The following CCDC17 variants were observed in gnomAD, a reference collection of about 807,000 sequenced individuals.
CCDC17 encodes coiled-coil domain-containing protein 17.
CCDC17 carries 79 observed loss-of-function variants against 68.0 expected under a neutral mutation model. The observed-to-expected ratio is 1.16, with a 90% CI of 0.97 to 1.40. The LOEUF (loss-of-function observed/expected upper bound fraction) is 1.40. CCDC17 is among the 40% of genes most tolerant of loss of function. The pLI is 0.00. For missense variants in CCDC17, 846 were observed against 811.5 expected, an observed-to-expected ratio of 1.04 and a Z score of -0.52; for synonymous variants, 376 against 337.5, an observed-to-expected ratio of 1.11 and a Z score of -1.25.
chr1:45,623,766 T>A lies in CCDC17; in HGVS notation c.144A>T (p.Ala48=), dbSNP rs1281677052. ...PTQEMTFGAQ[A]SVATEPQRAA... ...CCCGCTGGGGTTCAGTGGCAACTGATGCCTGTGCTCCAAATGTCATCTCTT... is the reference window on the plus strand; with the variant it reads ...CCCGCTGGGGTTCAGTGGCAACTGAAGCCTGTGCTCCAAATGTCATCTCTT... Residue 48 remains alanine, a synonymous_variant, in exon 1 of 13, where the codon GCA becomes GCT. Transcript: ENST00000528266. 1 of 1,551,338 alleles carries A rather than the reference T, an allele frequency of 6.4e-7. No homozygotes were observed. Among genetic ancestry groups the A allele is most frequent in the Non-Finnish European group, 8.7e-7 (1 of 1,146,788 alleles).
chr1:45,622,400 G>A (rs1446370507), intron 6 of CCDC17, 52 bp from the exon 7 acceptor site: 4 of 1,537,824 alleles, frequency 2.6e-6, no homozygotes, highest in African/African-American at 1.4e-5. Flanking sequence ...GACTGGCCGC[G>A]TCCGGCTGTG....
chr1:45,622,951 T>C lies in CCDC17; in HGVS notation c.656+4A>G. 6.3e-7 allele frequency: 1 copy of C among 1,596,122 alleles called. No individual in the cohort carries two copies. The highest frequency in any genetic ancestry group is 8.5e-7 in the Non-Finnish European group (1 of 1,170,230). On this transcript the variant is annotated splice_donor_region_variant and intron_variant, in intron 4 of 12. Transcript: ENST00000528266. ...TTCCGGGGATCCGCTTAGTCGGGTC[T>C]CACCCTGGCTCCGCCTGCAGCTCCT...
In CCDC17 at chr1:45,622,488, CCCT is replaced by C. The variant is rs949338756; in HGVS notation, c.859+58_859+60del. 12 of 1,508,104 alleles carry C rather than the reference CCCT, an allele frequency of 8.0e-6. No individual in the cohort carries two copies. The African/African-American group carries it at 1.5e-4, about 19-fold the overall frequency. The allele number at this position is 1,508,104 out of a possible 1,614,324, so 93.4% of individuals were successfully genotyped here. A position where few individuals can be genotyped will look rare whatever the true frequency, so the allele number is the denominator to read the frequency against. ...CATGCCATCCACAGCCACAGGCCCT[CCCT>C]CGAGTTCTTTTCTCCTCCCAGGACT... On this transcript the variant is annotated intron_variant, in intron 6 of 12. Transcript: ENST00000528266.
In CCDC17 at chr1:45,620,086, CAG is replaced by C. The variant is rs1644193111; in HGVS notation, c.*187_*188del. 9.2e-6 allele frequency: 5 copies of C among 542,512 alleles called. No individual in the cohort carries two copies. In the South Asian group the frequency reaches 1.1e-4, roughly 12 times the overall value. The allele number at this position is 542,512 out of a possible 1,614,324, so 33.6% of individuals were successfully genotyped here. A position where few individuals can be genotyped will look rare whatever the true frequency, so the allele number is the denominator to read the frequency against. On this transcript the variant is annotated 3_prime_UTR_variant, in exon 13 of 13. Transcript: ENST00000528266. The stretch of plus-strand genomic sequence containing the variant: ...TAATCCTTAATCTGTTTTACAAAAA[CAG>C]AAGAGGTACAGAAAAGTTAAGGACT...
rs969050375 is a variant in CCDC17, at chr1:45,623,793, G to T, written c.117C>A (p.Thr39=). The part of the protein sequence containing the change: ...HTQRFCIGHP[T]QEMTFGAQAS... ...CCTGTGCTCCAAATGTCATCTCTTGGGTCGGGTGGCCAATGCAGAAGCGCT... is the reference window on the plus strand; with the variant it reads ...CCTGTGCTCCAAATGTCATCTCTTGTGTCGGGTGGCCAATGCAGAAGCGCT... The change falls in exon 1 of 13, where the codon ACC becomes ACA. Residue 39 remains threonine (T), a synonymous_variant. Transcript: ENST00000528266. 6 of 1,551,484 alleles carry T rather than the reference G, an allele frequency of 3.9e-6. No homozygotes were observed. Among genetic ancestry groups the T allele is most frequent in the Non-Finnish European group, 5.2e-6 (6 of 1,146,946 alleles).
In CCDC17 at chr1:45,623,022, C is replaced by T. The variant is rs746161418; in HGVS notation, c.589G>A (p.Ala197Thr). 6.2e-7 allele frequency: 1 copy of T among 1,612,940 alleles called. No individual in the cohort carries two copies. Among genetic ancestry groups the T allele is most frequent in the South Asian group, 1.1e-5 (1 of 90,878 alleles). Residue 197 changes from alanine to threonine, a missense_variant, in exon 4 of 13, where the codon GCC becomes ACC. Coordinates refer to ENST00000528266, the MANE Select transcript of CCDC17 (RefSeq NM_001114938.3). ...EQEIRELQAE[A>T]GRTRGALEVL... Reference sequence around the variant, plus strand: ...TCTAGAGCTCCCCGCGTCCTCCCGGCCTCAGCTTGTAGTTCTCGAATCTCC... The same window carrying T: ...TCTAGAGCTCCCCGCGTCCTCCCGGTCTCAGCTTGTAGTTCTCGAATCTCC...
rs757094761 is a variant in CCDC17, at chr1:45,622,947, G to C, written c.656+8C>G. The stretch of plus-strand genomic sequence containing the variant: ...CATGTTCCGGGGATCCGCTTAGTCG[G>C]GTCTCACCCTGGCTCCGCCTGCAGC... On this transcript the variant is annotated splice_region_variant and intron_variant, in intron 4 of 12. Transcript: ENST00000528266. 59 of 1,596,082 alleles carry C rather than the reference G, an allele frequency of 3.7e-5. No individual in the cohort carries two copies. The highest frequency in any genetic ancestry group is 4.6e-5 in the Non-Finnish European group (54 of 1,170,470).
At position 45,620,364 on chromosome 1, in the gene CCDC17, G is replaced by A. The variant is rs747673013; in HGVS notation, c.1780C>T (p.Arg594Cys). 3 of 1,606,300 alleles carry A rather than the reference G, an allele frequency of 1.9e-6. No homozygotes were observed. The highest frequency in any genetic ancestry group is 2.2e-5 in the East Asian group (1 of 44,770). ...ACTCCACTGAGGGGCTCTTCTGTAC[G>A]AGGTGGGGGATCAGCAAAGCCAACT... Reference protein sequence around the residue: ...PAVGFADPPPRTEEPLSGVKD... With the variant: ...PAVGFADPPPCTEEPLSGVKD... Residue 594 changes from arginine to cysteine, a missense_variant, in exon 13 of 13, where the codon CGT becomes TGT. Arg to Cys is a radical substitution (Grantham distance 180). Transcript: ENST00000528266.
At position 45,620,955 on chromosome 1, in the gene CCDC17, G is replaced by GC; in HGVS notation, c.1546dup (p.Ala516GlyfsTer9). ...GCTAAGGCTGGGGTCCAGAGGAAGG[G>GC]CCCGAAGTGGGAGGCGCCAGCGGCC... On this transcript the variant is annotated frameshift_variant, in exon 11 of 13. Coordinates refer to ENST00000528266, the MANE Select transcript of CCDC17 (RefSeq NM_001114938.3). LOFTEE classifies it high-confidence loss of function. 6.2e-7 allele frequency: 1 copy of GC among 1,613,912 alleles called. No homozygotes were observed. Among genetic ancestry groups the GC allele is most frequent in the Non-Finnish European group, 8.5e-7 (1 of 1,179,852 alleles).
chr1:45,621,971 C>T lies in CCDC17; in HGVS notation c.992G>A (p.Gly331Glu), dbSNP rs1161428472. The part of the protein sequence containing the change: ...PLGPQDLRLL[G>E]DASLQPKGRR... ...CCCCTTCGGTTGTAGGCTGGCATCC[C>T]CCAGGAGTCGCAGATCCTGGGGCCC... The change falls in exon 8 of 13, where the codon GGG becomes GAG. Residue 331 changes from glycine (G) to glutamate (E), a missense_variant. Gly to Glu is a moderately conservative substitution (Grantham distance 98, BLOSUM62 -2). Coordinates refer to ENST00000528266, the MANE Select transcript of CCDC17 (RefSeq NM_001114938.3). 2 of 1,609,572 alleles carry T rather than the reference C, an allele frequency of 1.2e-6. No homozygotes were observed. The highest frequency in any genetic ancestry group is 3.4e-5 in the Admixed American group (2 of 59,322).
At chr1:45,623,520 A>G (rs1253137971) in intron 2 of CCDC17, 37 bp downstream of exon 2, 3 of 1,548,546 alleles carry the variant, frequency 1.9e-6, no homozygotes, top group Middle Eastern at 1.7e-4. Context: ...GAAGACGCTC[A>G]ACGTTTTGAG....
chr1:45,622,988 C>G lies in CCDC17; in HGVS notation c.623G>C (p.Gly208Ala). The change falls in exon 4 of 13, where the codon GGG becomes GCG. Residue 208 changes from glycine (G) to alanine (A), a missense_variant. Gly to Ala is a moderately conservative substitution (Grantham distance 60). Coordinates refer to ENST00000528266, the MANE Select transcript of CCDC17 (RefSeq NM_001114938.3). ...CGCCTGCAGCTCCTGAATGCGGGCC[C>G]CCAACACCTCTAGAGCTCCCCGCGT... Reference protein sequence around the residue: ...GRTRGALEVLGARIQELQAEP... With the variant: ...GRTRGALEVLAARIQELQAEP... 1.2e-6 allele frequency: 2 copies of G among 1,608,286 alleles called. No homozygotes were observed. The highest frequency in any genetic ancestry group is 1.7e-6 in the Non-Finnish European group (2 of 1,176,856).
chr1:45,621,688 G>C lies in CCDC17; in HGVS notation c.1134C>G (p.His378Gln), dbSNP rs1644262883. 1 of 1,613,806 alleles carries C rather than the reference G, an allele frequency of 6.2e-7. No homozygotes were observed. Among genetic ancestry groups the C allele is most frequent in the South Asian group, 1.1e-5 (1 of 91,074 alleles). ...GCATGTCCGATGTGGGCAGGAGGAA[G>C]TGTGAGTCCAGGCCCAGGTTTCTGG... ...TMTRNLGLDS[H>Q]FLLPTSDMLG... The change falls in exon 9 of 13, where the codon CAC becomes CAG. Residue 378 changes from histidine (H) to glutamine (Q), a missense_variant. Transcript: ENST00000528266.
At position 45,620,363 on chromosome 1, in the gene CCDC17, C is replaced by T. The variant is rs147247705; in HGVS notation, c.1781G>A (p.Arg594His). 23 of 1,606,450 alleles carry T rather than the reference C, an allele frequency of 1.4e-5. No homozygotes were observed. Among genetic ancestry groups the T allele is most frequent in the Admixed American group, 3.4e-5 (2 of 58,012 alleles). The change falls in exon 13 of 13, where the codon CGT becomes CAT. Residue 594 changes from arginine (R) to histidine (H), a missense_variant. Physicochemically the swap from Arg to His is conservative, Grantham distance 29. Coordinates refer to ENST00000528266, the MANE Select transcript of CCDC17 (RefSeq NM_001114938.3). ...GACTCCACTGAGGGGCTCTTCTGTA[C>T]GAGGTGGGGGATCAGCAAAGCCAAC... ...PAVGFADPPP[R>H]TEEPLSGVKD...
In CCDC17 at chr1:45,621,364, G is replaced by C; in HGVS notation, c.1305C>G (p.Pro435=). 1 of 1,590,670 alleles carries C rather than the reference G, an allele frequency of 6.3e-7. No homozygotes were observed. The change falls in exon 10 of 13, where the codon CCC becomes CCG. Residue 435 remains proline, a synonymous_variant. Transcript: ENST00000528266. ...GRDTGRTTAL[P]PALCLPPPPA... is the part of the protein sequence containing the mutation. ...GAGGTGGGGGCAGGCAAAGGGCTGG[G>C]GGCAACGCTGTGGTCCTTCCTGTAT...
Position 45,622,000 on chromosome 1 carries a change from GAGC to G in CCDC17, c.968-8_968-6del. On this transcript the variant is annotated splice_polypyrimidine_tract_variant and splice_region_variant and intron_variant, in intron 7 of 12. Coordinates refer to ENST00000528266, the MANE Select transcript of CCDC17 (RefSeq NM_001114938.3). ...GGAGTCGCAGATCCTGGGGCCCTAGGAGCAGAAGAGTTAGGGTGCCCCTAAGTT... is the reference window on the plus strand; with the variant it reads ...GGAGTCGCAGATCCTGGGGCCCTAGGAGAAGAGTTAGGGTGCCCCTAAGTT... The G allele has an allele frequency of 1.3e-6, 2 of 1,599,206 alleles. No homozygotes were observed. Among genetic ancestry groups the G allele is most frequent in the South Asian group, 2.3e-5 (2 of 88,612 alleles).
Position 45,621,440 on chromosome 1 carries a change from GC to G in CCDC17, c.1228del (p.Ala410LeufsTer8), listed in dbSNP as rs754107692. The G allele has an allele frequency of 7.5e-6, 12 of 1,597,392 alleles. No homozygotes were observed. The highest frequency in any genetic ancestry group is 9.4e-6 in the Non-Finnish European group (11 of 1,172,410). ...IFYDFLRGLE[A>X]SWIWVQLRTG... ...CCTTAGTTGCACCCAAATCCAGGAA[GC>G]CTCAAGGCCCCGCAGGAAATCATAG... On this transcript the variant is annotated frameshift_variant, in exon 10 of 13. Coordinates refer to ENST00000528266, the MANE Select transcript of CCDC17 (RefSeq NM_001114938.3). LOFTEE classifies it high-confidence loss of function.
Position 45,621,965 on chromosome 1 carries a change from G to T in CCDC17, c.998C>A (p.Ala333Asp). 6.2e-7 allele frequency: 1 copy of T among 1,609,978 alleles called. No homozygotes were observed. Reference protein sequence around the residue: ...GPQDLRLLGDASLQPKGRRDP... With the variant: ...GPQDLRLLGDDSLQPKGRRDP... ...TCTCCTCCCCTTCGGTTGTAGGCTGGCATCCCCCAGGAGTCGCAGATCCTG... is the reference window on the plus strand; with the variant it reads ...TCTCCTCCCCTTCGGTTGTAGGCTGTCATCCCCCAGGAGTCGCAGATCCTG... Residue 333 changes from alanine (A) to aspartate (D), a missense_variant, in exon 8 of 13, where the codon GCC becomes GAC. By Grantham distance (126) the Ala-to-Asp change is moderately radical (BLOSUM62 -2). Coordinates refer to ENST00000528266, the MANE Select transcript of CCDC17 (RefSeq NM_001114938.3).
Position 45,622,332 on chromosome 1 carries a change from G to A in CCDC17, c.876C>T (p.Thr292=), listed in dbSNP as rs1353187373. ...CCTCCACTACTGGAAGCTCCCCTGA[G>A]GTGGCACCTGCCCTTCCTGCGATGA... ...SQTRRGRAGA[T]SGELPVVEAE... The change falls in exon 7 of 13, where the codon ACC becomes ACT. Residue 292 remains threonine, a synonymous_variant. Transcript: ENST00000528266. 6.2e-7 allele frequency: 1 copy of A among 1,607,480 alleles called. No individual in the cohort carries two copies. Among genetic ancestry groups the A allele is most frequent in the African/African-American group, 1.3e-5 (1 of 74,474 alleles).
Sources: gnomAD v4.1 joint callset for allele counts on GRCh38, gnomAD v4.1.1 for gene constraint, MANE v1.5 for transcripts, NCBI Gene and HGNC (gene_info 2026-07-23, HGNC 2026-07-21) for gene names.